Variants in NT5E observed in about 807,000 individuals in gnomAD.
The protein encoded by NT5E is 5'-nucleotidase.
Under a neutral mutation model 55.1 loss-of-function variants are expected in NT5E, and 53 were observed. That is an observed-to-expected ratio of 0.96 (90% CI 0.77 to 1.21). The LOEUF is 1.21. NT5E is among the 50% of genes most tolerant of loss of function. The pLI is 0.00. For missense variants in NT5E, 683 were observed against 724.3 expected, an observed-to-expected ratio of 0.94 and a Z score of 0.65; for synonymous variants, 270 against 278.4, an observed-to-expected ratio of 0.97 and a Z score of 0.30.
chr6:85,473,835 A>G (rs1348952173), intron 3 of NT5E, among the ~76,000 whole-genome samples: 1 of 152,216 alleles, frequency 6.6e-6, no homozygotes, highest in Non-Finnish European at 1.5e-5. Flanking sequence ...GAACACTCAA[A>G]GGAGTTTCAT....
intron 3 of NT5E, among the ~76,000 whole-genome samples, chr6:85,482,526 C>G (rs1769570482): frequency 6.6e-6 from 1 of 152,158 alleles, no homozygotes; most frequent in African/African-American, 2.4e-5. Context: ...TCACCACAGT[C>G]CTTGGTTCCC....
At position 85,450,360 on chromosome 6, in the gene NT5E, C is replaced by A; in HGVS notation, c.221C>A (p.Ala74Asp). Residue 74 changes from alanine to aspartate, a missense_variant, in exon 1 of 9, where the codon GCC (alanine) becomes GAC (aspartate). Coordinates refer to ENST00000257770, the MANE Select transcript of NT5E (RefSeq NM_002526.4). This position sits in a 1 kb window ranked among gnomAD's most constrained non-coding sequence, Gnocchi z 4.0. ...LFTKVQQIRR[A>D]EPNVLLLDAG... ...ACCAAGGTTCAGCAGATCCGCCGCG[C>A]CGAACCCAACGTGCTGCTGCTGGAC... 2.5e-6 allele frequency: 4 copies of A among 1,595,266 alleles called. No homozygotes were observed. The East Asian group carries it at 9.1e-5, about 36-fold the overall frequency.
chr6:85,475,252 G>A (rs1047330786), intron 3 of NT5E, among the ~76,000 whole-genome samples: 3 of 152,098 alleles, frequency 2.0e-5, no homozygotes, highest in African/African-American at 4.8e-5. Context: ...TTTCTGTTCT[G>A]TTATTTGAGT....
In NT5E at chr6:85,450,939, C is replaced by G. The variant is rs918203296; in HGVS notation, c.339+461C>G. ...AATAAATTAACAGGCACCATCCCCG[C>G]AAAAAGGGAGACGTGATAAGAATGG... On this transcript the variant is annotated intron_variant, in intron 1 of 8. Coordinates refer to ENST00000257770, the MANE Select transcript of NT5E (RefSeq NM_002526.4). This position sits in a 1 kb window ranked among gnomAD's most constrained non-coding sequence, Gnocchi z 4.0. Among the ~76,000 whole-genome samples the G allele has an allele frequency of 2.0e-5, 3 of 152,118 alleles. No homozygotes were observed. Among genetic ancestry groups the G allele is most frequent in the African/African-American group, 7.2e-5 (3 of 41,436 alleles).
intron 1 of NT5E, among the ~76,000 whole-genome samples, chr6:85,458,215 A>G (rs757168485): frequency 1.3e-5 from 2 of 152,250 alleles, no homozygotes; most frequent in African/African-American, 4.8e-5. Flanking sequence ...TCTGTTTGCA[A>G]TGACACTTTT....
At chr6:85,467,829 TACATTTATAG>T (rs1405645909) in intron 2 of NT5E, among the ~76,000 whole-genome samples, 7 of 151,816 alleles carry the variant, frequency 4.6e-5, no homozygotes, top group African/African-American at 1.7e-4. Context: ...TGTATGTATA[TACATTTATAG>T]ACATATATAC....
intron 1 of NT5E, among the ~76,000 whole-genome samples, chr6:85,465,633 C>T (rs1769178529): frequency 6.6e-6 from 1 of 152,154 alleles, no homozygotes; most frequent in Non-Finnish European, 1.5e-5. Flanking sequence ...GGAATATAAA[C>T]ACATTGTGCT....
In NT5E at chr6:85,492,397, T is replaced by C. The variant is rs111858998; in HGVS notation, c.1561+220T>C. 1.5e-4 allele frequency among the ~76,000 whole-genome samples: 23 copies of C among 152,272 alleles called. 2 individuals are homozygous for C. The highest frequency in any genetic ancestry group is 4.8e-4 in the African/African-American group (20 of 41,568). ...TCATCCAACCCCAGAGACAAAACAT[T>C]TGTAAATCAAAAATGTTTTAAAATT... On this transcript the variant is annotated intron_variant, in intron 8 of 8. Coordinates refer to ENST00000257770, the MANE Select transcript of NT5E (RefSeq NM_002526.4).
chr6:85,459,603 T>TAGCC (rs1769052387), intron 1 of NT5E, among the ~76,000 whole-genome samples: 1 of 152,188 alleles, frequency 6.6e-6, no homozygotes, highest in African/African-American at 2.4e-5. Flanking sequence ...GCCCAGTATT[T>TAGCC]TTGAAACCCA....
intron 8 of NT5E, among the ~76,000 whole-genome samples, chr6:85,493,480 G>A (rs1189915389): frequency 4.6e-5 from 7 of 152,270 alleles, no homozygotes; most frequent in Admixed American, 1.3e-4. Flanking sequence ...TTATTGGGCA[G>A]GCAAACAAAA....
At chr6:85,466,238 A>G (rs12524836) in intron 1 of NT5E, among the ~76,000 whole-genome samples, 24,368 of 152,084 alleles carry the variant, frequency 0.16, 2,231 homozygotes, top group African/African-American at 0.25. Context: ...TGTACCCAGC[A>G]GCCACTCCTC....
Position 85,489,568 on chromosome 6 carries a change from T to C in NT5E, c.1179T>C (p.Gly393=). 1 of 1,613,846 alleles carries C rather than the reference T, an allele frequency of 6.2e-7. No homozygotes were observed. Among genetic ancestry groups the C allele is most frequent in the Admixed American group, 1.7e-5 (1 of 60,020 alleles). The stretch of plus-strand genomic sequence containing the variant: ...CCATGTGCATTTTAAATGGAGGTGG[T>C]ATCCGGTCGCCCATTGATGAACGCA... ...HVSMCILNGG[G]IRSPIDERNN... Residue 393 remains glycine, a synonymous_variant, in exon 6 of 9, where the codon GGT becomes GGC. Coordinates refer to ENST00000257770, the MANE Select transcript of NT5E (RefSeq NM_002526.4).
Position 85,450,307 on chromosome 6 carries a change from C to T in NT5E, c.168C>T (p.Arg56=), listed in dbSNP as rs752118984. 21 of 1,604,882 alleles carry T rather than the reference C, an allele frequency of 1.3e-5. No individual in the cohort carries two copies. In the East Asian group the frequency reaches 1.3e-4, roughly 10 times the overall value. Residue 56 remains arginine, a synonymous_variant, in exon 1 of 9, where the codon CGC becomes CGT. Coordinates refer to ENST00000257770, the MANE Select transcript of NT5E (RefSeq NM_002526.4). This position sits in a 1 kb window ranked among gnomAD's most constrained non-coding sequence, Gnocchi z 4.0. ...EDSSKCVNAS[R]CMGGVARLFT... ...CCAGCAAGTGCGTCAACGCCAGCCG[C>T]TGCATGGGTGGCGTGGCTCGGCTCT...
intron 3 of NT5E, among the ~76,000 whole-genome samples, chr6:85,476,747 G>C (rs1186449045): frequency 6.6e-6 from 1 of 152,142 alleles, no homozygotes; most frequent in Non-Finnish European, 1.5e-5. Flanking sequence ...CCTGGAGTTA[G>C]GCCATCCCCA....
chr6:85,480,210 T>C (rs1769516851), intron 3 of NT5E, among the ~76,000 whole-genome samples: 1 of 152,174 alleles, frequency 6.6e-6, no homozygotes, highest in African/African-American at 2.4e-5. Flanking sequence ...GCAGATAGCC[T>C]GGATTGGATT....
chr6:85,470,190 C>G (rs1362198469), intron 2 of NT5E, among the ~76,000 whole-genome samples: 1 of 152,148 alleles, frequency 6.6e-6, no homozygotes, highest in Non-Finnish European at 1.5e-5. Context: ...CAGTGATAGC[C>G]ATAAAACCTC....
At chr6:85,476,673 T>C (rs1769444128) in intron 3 of NT5E, among the ~76,000 whole-genome samples, 1 of 152,194 alleles carries the variant, frequency 6.6e-6, no homozygotes, top group South Asian at 2.1e-4. Flanking sequence ...ACTTTATTGC[T>C]GATGAAAATG....
chr6:85,473,738 C>T (rs1769369926), intron 3 of NT5E, among the ~76,000 whole-genome samples: 1 of 152,194 alleles, frequency 6.6e-6, no homozygotes, highest in African/African-American at 2.4e-5. Context: ...TGCCAGCTAC[C>T]ACTCATTGAA....
intron 3 of NT5E, among the ~76,000 whole-genome samples, chr6:85,472,191 G>A (rs1375425480): frequency 6.6e-6 from 1 of 152,196 alleles, no homozygotes; most frequent in Non-Finnish European, 1.5e-5. Context: ...CTGGTAAACA[G>A]TTCTTCTATC....
Sources: gnomAD v4.1 joint callset for allele counts (sites outside exome capture counted in the v4.1 genomes callset) on GRCh38, gnomAD v4.1.1 for gene constraint, Gnocchi (gnomAD v3.1) non-coding constraint, MANE v1.5 for transcripts, NCBI Gene and HGNC (gene_info 2026-07-23, HGNC 2026-07-21) for gene names.